JAG2: variants seen among roughly 807,000 people sequenced by gnomAD.
JAG2 encodes jagged canonical Notch ligand 2.
A neutral mutation model predicts 141.7 loss-of-function variants in JAG2; 46 were observed. That is an observed-to-expected ratio of 0.32 (90% CI 0.26 to 0.42). The LOEUF (loss-of-function observed/expected upper bound fraction) is 0.42. Among genes scored for constraint, JAG2 ranks in the 10% least tolerant of loss-of-function variants. JAG2 has a pLI of 1.00. For missense variants in JAG2, 1,500 were observed against 1,817.5 expected, an observed-to-expected ratio of 0.83 and a Z score of 3.18; for synonymous variants, 862 against 763.5, an observed-to-expected ratio of 1.13 and a Z score of -2.13.
At position 105,167,833 on chromosome 14, in the gene JAG2, C is replaced by T. The variant is rs1204007533; in HGVS notation, c.341G>A (p.Arg114Gln). The T allele has an allele frequency of 1.4e-6, 2 of 1,475,966 alleles. No homozygotes were observed. Among genetic ancestry groups the T allele is most frequent in the East Asian group, 2.9e-5 (1 of 34,204 alleles). 91.4% of individuals were successfully genotyped at this position (1,475,966 alleles called of 1,614,324 possible). Residue 114 changes from arginine (R) to glutamine (Q), a missense_variant, in exon 2 of 26, where the codon CGA (arginine) becomes CAA (glutamine). By Grantham distance (43) the Arg-to-Gln change is conservative (BLOSUM62 1). Transcript: ENST00000331782. The surrounding 1 kb of genome is among the most constrained non-coding windows in gnomAD (Gnocchi z 4.8). The part of the protein sequence containing the change: ...YLPPAGAAGD[R>Q]ARARARAGGD... Reference sequence around the variant, plus strand: ...GCCGGCCCGGGCCCGCGCCCGCGCTCGGTCCCCCGCAGCGCCCGCCGGCGG... The same window carrying T: ...GCCGGCCCGGGCCCGCGCCCGCGCTTGGTCCCCCGCAGCGCCCGCCGGCGG...
chr14:105,168,417 G>A lies in JAG2; in HGVS notation c.4C>T (p.Arg2Trp), dbSNP rs1203920003. The change falls in exon 1 of 26, where the codon CGG (arginine) becomes TGG (tryptophan). Residue 2 changes from arginine (R) to tryptophan (W), a missense_variant. Arg to Trp is a moderately radical substitution (Grantham distance 101). Coordinates refer to ENST00000331782, the MANE Select transcript of JAG2 (RefSeq NM_002226.5). ...GGAAGGCGCCCCCGGCCCTGCGCCC[G>A]CATTGCCCCCGCGACCCGCCCGCCC... M[R>W]AQGRGRLPRR... The A allele has an allele frequency of 6.4e-6, 6 of 930,518 alleles. No homozygotes were observed. Among genetic ancestry groups the A allele is most frequent in the South Asian group, 4.1e-5 (1 of 24,118 alleles). 57.6% of individuals were successfully genotyped at this position (930,518 alleles called of 1,614,324 possible).
intron 23 of JAG2, 145 bp from the exon 24 acceptor site, chr14:105,145,206 C>A: frequency 3.5e-6 from 4 of 1,132,320 alleles, no homozygotes; most frequent in Non-Finnish European, 5.1e-6. Context: ...CCTGGGGGGG[C>A]AGCTTCCCAC....
rs865875602 is a variant in JAG2 at position 105,157,777 on chromosome 14, G to A, written c.418-14C>T. The A allele has an allele frequency of 3.2e-6, 5 of 1,567,182 alleles. No homozygotes were observed. The Admixed American group carries it at 5.6e-5, about 17-fold the overall frequency. Reference sequence around the variant, plus strand: ...GGTAAAGGAGCGCTGCAGACATGGGGAGGCGGGTCAGGTACCTGAGGCCAC... The same window carrying A: ...GGTAAAGGAGCGCTGCAGACATGGGAAGGCGGGTCAGGTACCTGAGGCCAC... On this transcript the variant is annotated splice_polypyrimidine_tract_variant and intron_variant, in intron 2 of 25. Coordinates refer to ENST00000331782, the MANE Select transcript of JAG2 (RefSeq NM_002226.5).
Position 105,148,114 on chromosome 14 carries a change from A to G in JAG2, c.2248+2T>C. The G allele has an allele frequency of 6.5e-7, 1 of 1,544,930 alleles. No individual in the cohort carries two copies. The highest frequency in any genetic ancestry group is 1.2e-5 in the South Asian group (1 of 83,874). ...GTCGCAGAGGCAGCGGGGGCTCCTCACCGACGGCGCAGGTGCTGCCCTTCC... is the reference window on the plus strand; with the variant it reads ...GTCGCAGAGGCAGCGGGGGCTCCTCGCCGACGGCGCAGGTGCTGCCCTTCC... On this transcript the variant is annotated splice_donor_variant, in intron 17 of 25. Transcript: ENST00000331782. LOFTEE classifies it high-confidence loss of function.
chr14:105,146,284 T>C, intron 22 of JAG2, 101 bp downstream of exon 22: 1 of 1,069,156 alleles, frequency 9.4e-7, no homozygotes, highest in Non-Finnish European at 1.4e-6. Context: ...CGGCTCTCAG[T>C]CCATCCGGAC....
At chr14:105,146,865 A>G in intron 20 of JAG2, 141 bp from the exon 21 acceptor site, 2 of 743,958 alleles carry the variant, frequency 2.7e-6, no homozygotes, top group Non-Finnish European at 4.7e-6. Flanking sequence ...CCCGAGCCCA[A>G]GCTGCTGCCT....
intron 2 of JAG2, among the ~76,000 whole-genome samples, chr14:105,159,293 A>G (rs1420644021): frequency 6.6e-6 from 1 of 151,996 alleles, no homozygotes; most frequent in African/African-American, 2.4e-5. Flanking sequence ...TCACCCAGGT[A>G]GGAGCACAGG....
rs1595193400 is a variant in JAG2, at chr14:105,167,356, G to A, written c.417+401C>T. ...GCAGGCGCAGGCTGGCCACGGGCCC[G>A]GGGCGGCTCAGTCAGGGCCTGCCCT... is the stretch of plus-strand genomic sequence containing the variant. On this transcript the variant is annotated intron_variant, in intron 2 of 25. Coordinates refer to ENST00000331782, the MANE Select transcript of JAG2 (RefSeq NM_002226.5). The surrounding 1 kb of genome is among the most constrained non-coding windows in gnomAD (Gnocchi z 4.8). Among the ~76,000 whole-genome samples the A allele has an allele frequency of 1.3e-5, 2 of 152,034 alleles. No individual in the cohort carries two copies. Among genetic ancestry groups the A allele is most frequent in the Admixed American group, 1.3e-4 (2 of 15,280 alleles).
At chr14:105,165,026 C>A (rs1882845) in intron 2 of JAG2, among the ~76,000 whole-genome samples, 1 of 151,996 alleles carries the variant, frequency 6.6e-6, no homozygotes, top group South Asian at 2.1e-4. Context: ...CCACCCCGCA[C>A]AGCTGCCCTG....
rs188284875 is a variant in JAG2 at position 105,165,507 on chromosome 14, C to T, written c.417+2250G>A. On this transcript the variant is annotated intron_variant, in intron 2 of 25. Coordinates refer to ENST00000331782, the MANE Select transcript of JAG2 (RefSeq NM_002226.5). ...TGCTGGCATGTGGTCCACCACCTCT[C>T]CACATTCAAGACCCTGGGCCCACCC... 9.2e-5 allele frequency among the ~76,000 whole-genome samples: 14 copies of T among 152,314 alleles called. 1 individual carries two copies. Among genetic ancestry groups the T allele is most frequent in the Non-Finnish European group, 1.8e-4 (12 of 68,006 alleles).
At chr14:105,158,671 C>T (rs998051031) in intron 2 of JAG2, among the ~76,000 whole-genome samples, 22 of 152,098 alleles carry the variant, frequency 1.4e-4, no homozygotes, top group African/African-American at 4.8e-4. Flanking sequence ...CACAGCCTCT[C>T]AGCCCTCACT....
chr14:105,148,402 G>A lies in JAG2; in HGVS notation c.2058C>T (p.Arg686=), dbSNP rs773889602. 1.5e-5 allele frequency: 24 copies of A among 1,612,158 alleles called. No homozygotes were observed. Among genetic ancestry groups the A allele is most frequent in the East Asian group, 2.2e-5 (1 of 44,848 alleles). ...CATTGACCAGGTCGTAGCAGCGGCC[G>A]CGGCTGTGGCAGGGATCGGGAAGGC... ...NDCLPDPCHS[R]GRCYDLVNDF... The change falls in exon 16 of 26, where the codon CGC becomes CGT. Residue 686 remains arginine, a synonymous_variant. Transcript: ENST00000331782.
chr14:105,152,288 G>A lies in JAG2; in HGVS notation c.792C>T (p.Cys264=), dbSNP rs375890318. ...AGAACCTCCCTTGCCAGCCGTAGCT[G>A]CACCTGGGGGAAGGAGGAGGGGCGC... ...GGCTVPGECR[C]SYGWQGRFCD... The change falls in exon 6 of 26, where the codon TGC becomes TGT. Residue 264 remains cysteine, a synonymous_variant. Transcript: ENST00000331782. 12 of 1,612,968 alleles carry A rather than the reference G, an allele frequency of 7.4e-6. No homozygotes were observed. The highest frequency in any genetic ancestry group is 2.7e-5 in the African/African-American group (2 of 74,946).
In JAG2 at chr14:105,154,812, G is replaced by A. The variant is rs949361984; in HGVS notation, c.788+750C>T. Reference sequence around the variant, plus strand: ...CATCCAGCTAACCCCGGCCCCGCCTGCTCCTCTGTGGCATTCCTCCTGCCA... The same window carrying A: ...CATCCAGCTAACCCCGGCCCCGCCTACTCCTCTGTGGCATTCCTCCTGCCA... On this transcript the variant is annotated intron_variant, in intron 5 of 25. Coordinates refer to ENST00000331782, the MANE Select transcript of JAG2 (RefSeq NM_002226.5). The surrounding 1 kb of genome is among the most constrained non-coding windows in gnomAD (Gnocchi z 4.4). Among the ~76,000 whole-genome samples, 1 of 151,972 alleles carries A rather than the reference G, an allele frequency of 6.6e-6. No individual in the cohort carries two copies. The highest frequency in any genetic ancestry group is 2.4e-5 in the African/African-American group (1 of 41,368).
rs1016877176 is a variant in JAG2, at chr14:105,150,706, G to A, written c.1500C>T (p.Asp500=). ...FGGRHCELER[D]ECASSPCHSG... ...TGTGGCAGGGGCTGCTGGCACACTC[G>A]TCTCGTTCCAGCTCGCAATGCCGGC... Residue 500 remains aspartate (D), a synonymous_variant, in exon 12 of 26, where the codon GAC becomes GAT. Coordinates refer to ENST00000331782, the MANE Select transcript of JAG2 (RefSeq NM_002226.5). The A allele has an allele frequency of 1.7e-5, 26 of 1,562,844 alleles. No homozygotes were observed. The highest frequency in any genetic ancestry group is 1.9e-5 in the Admixed American group (1 of 52,520).
chr14:105,142,271 C>T lies in JAG2; in HGVS notation c.*424G>A. On this transcript the variant is annotated 3_prime_UTR_variant, in exon 26 of 26. Coordinates refer to ENST00000331782, the MANE Select transcript of JAG2 (RefSeq NM_002226.5). Reference sequence around the variant, plus strand: ...CACCATCAGCCACGGGTCCCACCAACAGCCATGGGCCACACCAACACAGCC... The same window carrying T: ...CACCATCAGCCACGGGTCCCACCAATAGCCATGGGCCACACCAACACAGCC... 1.2e-5 allele frequency: 2 copies of T among 173,720 alleles called. No homozygotes were observed. The highest frequency in any genetic ancestry group is 2.4e-5 in the African/African-American group (1 of 41,780). The allele number at this position is 173,720 out of a possible 1,614,324, so 10.8% of individuals were successfully genotyped here.
In JAG2 at chr14:105,168,345, C is replaced by T. The variant is rs959001609; in HGVS notation, c.66+10G>A. The T allele has an allele frequency of 3.2e-6, 3 of 938,910 alleles. No individual in the cohort carries two copies. Among genetic ancestry groups the T allele is most frequent in the Admixed American group, 4.9e-5 (1 of 20,284 alleles). The allele number at this position is 938,910 out of a possible 1,614,324, so 58.2% of individuals were successfully genotyped here. ...TCCGCGACCCCCGCCGCCCCCGCCG[C>T]CCCGCTCACCTGCACCCAGAGCGCC... On this transcript the variant is annotated intron_variant, in intron 1 of 25. Transcript: ENST00000331782.
chr14:105,146,821 G>A (rs1239208668), intron 20 of JAG2, 97 bp from the exon 21 acceptor site: 5 of 968,460 alleles, frequency 5.2e-6, no homozygotes, highest in South Asian at 1.4e-5. Context: ...GCACACAGGC[G>A]CAAGCCCCAG....
At chr14:105,159,371 A>G (rs1888665477) in intron 2 of JAG2, among the ~76,000 whole-genome samples, 1 of 151,120 alleles carries the variant, frequency 6.6e-6, no homozygotes, top group Admixed American at 6.6e-5. Flanking sequence ...CTGACAACAG[A>G]CCCTCAATCC....
Sources: gnomAD v4.1 joint callset for allele counts (sites outside exome capture counted in the v4.1 genomes callset) on GRCh38, gnomAD v4.1.1 for gene constraint, Gnocchi (gnomAD v3.1) non-coding constraint, MANE v1.5 for transcripts, NCBI Gene and HGNC (gene_info 2026-07-23, HGNC 2026-07-21) for gene names.